Variants in COL11A2 observed in about 807,000 individuals in gnomAD.
The protein encoded by COL11A2 is collagen alpha-2(XI) chain.
In COL11A2, 116 loss-of-function variants were observed where a neutral mutation model predicts 273.4. That is an observed-to-expected ratio of 0.42 (90% CI 0.36 to 0.49). The LOEUF (loss-of-function observed/expected upper bound fraction) is 0.49, where lower values mean the gene tolerates loss of function less well. Among genes scored for constraint, COL11A2 ranks in the 20% least tolerant of loss-of-function variants. The pLI is 0.00. For missense variants in COL11A2, 1,866 were observed against 2,309.0 expected (o/e 0.81, Z 3.93); for synonymous variants, 782 against 864.2 (o/e 0.90, Z 1.67).
Position 33,176,618 on chromosome 6 carries a change from G to T in COL11A2, c.2115+103C>A. 1 of 1,394,986 alleles carries T rather than the reference G, an allele frequency of 7.2e-7. No individual in the cohort carries two copies. The highest frequency in any genetic ancestry group is 1.0e-6 in the Non-Finnish European group (1 of 992,818). The allele number at this position is 1,394,986 out of a possible 1,614,324, so 86.4% of individuals were successfully genotyped here. A position where few individuals can be genotyped will look rare whatever the true frequency, so the allele number is the denominator to read the frequency against. On this transcript the variant is annotated intron_variant, in intron 26 of 65. Transcript: ENST00000341947. The surrounding 1 kb of genome is among the most constrained non-coding windows in gnomAD (Gnocchi z 4.9). ...TACGGGGCACAGGAATTGAGAATGTGGCAGAGCCATATGAATAATGAGACA... is the reference window on the plus strand; with the variant it reads ...TACGGGGCACAGGAATTGAGAATGTTGCAGAGCCATATGAATAATGAGACA...
In COL11A2 at chr6:33,178,135, G is replaced by A; in HGVS notation, c.1869C>T (p.Pro623=). Residue 623 remains proline, a synonymous_variant, in exon 21 of 66, where the codon CCC becomes CCT. Coordinates refer to ENST00000341947, the MANE Select transcript of COL11A2 (RefSeq NM_080680.3). This position sits in a 1 kb window ranked among gnomAD's most constrained non-coding sequence, Gnocchi z 4.6. ...CAGAAGTCAGGGAGTCACTTACAGG[G>A]GGTCCAGGAATACCAGGTGGGCCTT... ...GPKGPPGIPG[P]PGVRGMDGPQ... is the part of the protein sequence containing the mutation. 1 of 1,609,056 alleles carries A rather than the reference G, an allele frequency of 6.2e-7. No homozygotes were observed. The highest frequency in any genetic ancestry group is 1.3e-5 in the African/African-American group (1 of 74,914).
In COL11A2 at chr6:33,180,261, G is replaced by A. The variant is rs1349552624; in HGVS notation, c.1356C>T (p.Leu452=). The change falls in exon 12 of 66, where the codon CTC becomes CTT. Residue 452 remains leucine (L), a synonymous_variant. Transcript: ENST00000341947. ...CAAAACCCAAGAGACAACTCACTGG[G>A]AGCATGAGAGATGTGCCAGGAGGAC... ...APGPPGTSLM[L]PFRFGSGGGD... is the part of the protein sequence containing the mutation. The A allele has an allele frequency of 3.1e-6, 5 of 1,612,792 alleles. No individual in the cohort carries two copies. The highest frequency in any genetic ancestry group is 1.7e-5 in the Admixed American group (1 of 60,010).
Position 33,172,554 on chromosome 6 carries a change from C to A in COL11A2, c.2874G>T (p.Gly958=). 1.2e-6 allele frequency: 2 copies of A among 1,612,606 alleles called. No homozygotes were observed. The highest frequency in any genetic ancestry group is 2.7e-5 in the African/African-American group (2 of 74,924). Reference sequence around the variant, plus strand: ...CCTTTGTTCCTTCTTTTCCAGCTGTCCCAGGTAGTCCCTGCTCTCCAGGGG... The same window carrying A: ...CCTTTGTTCCTTCTTTTCCAGCTGTACCAGGTAGTCCCTGCTCTCCAGGGG... ...PGPPGEQGLP[G]TAGKEGTKGD... Residue 958 remains glycine, a synonymous_variant, in exon 39 of 66, where the codon GGG becomes GGT. Transcript: ENST00000341947.
chr6:33,170,336 T>A lies in COL11A2; in HGVS notation c.3572A>T (p.Asn1191Ile). The A allele has an allele frequency of 1.2e-6, 2 of 1,613,682 alleles. No homozygotes were observed. Among genetic ancestry groups the A allele is most frequent in the African/African-American group, 1.3e-5 (1 of 74,986 alleles). The change falls in exon 48 of 66, where the codon AAT becomes ATT. Residue 1191 changes from asparagine to isoleucine, a missense_variant. Transcript: ENST00000341947. This position sits in a 1 kb window ranked among gnomAD's most constrained non-coding sequence, Gnocchi z 4.3. ...GCTGAGATGACTCACATCAGCGCCA[T>A]TGGGTCCAGCTGGACCTCGAGGTCC... ...PPGPRGPAGPNGADGPQGPPG... is the reference protein window; with the variant it reads ...PPGPRGPAGPIGADGPQGPPG...
intron 4 of COL11A2, among the ~76,000 whole-genome samples, chr6:33,187,845 G>T: frequency 6.6e-6 from 1 of 151,354 alleles, no homozygotes; most frequent in Non-Finnish European, 1.5e-5. Flanking sequence ...TGGGTAGATG[G>T]GGAGGGTGGG....
At position 33,188,348 on chromosome 6, in the gene COL11A2, A is replaced by C; in HGVS notation, c.606+14T>G. 6.2e-7 allele frequency: 1 copy of C among 1,613,008 alleles called. No individual in the cohort carries two copies. The highest frequency in any genetic ancestry group is 8.5e-7 in the Non-Finnish European group (1 of 1,179,996). On this transcript the variant is annotated intron_variant, in intron 4 of 65. Coordinates refer to ENST00000341947, the MANE Select transcript of COL11A2 (RefSeq NM_080680.3). ...GGACCAGAAGTCAATCCTGCCTCTG[A>C]TTGCTCTGGTTACCTCAAAGACTTC...
At chr6:33,192,561 A>T, upstream of COL11A2, 1 of 473,582 alleles carries the variant, frequency 2.1e-6, no homozygotes, top group South Asian at 2.2e-5. Context: ...CACCGAAGGG[A>T]AACCCCACCC....
Position 33,170,727 on chromosome 6 carries a change from G to C in COL11A2, c.3474+83C>G. On this transcript the variant is annotated intron_variant, in intron 46 of 65. Transcript: ENST00000341947. This position sits in a 1 kb window ranked among gnomAD's most constrained non-coding sequence, Gnocchi z 4.3. ...CTCCGCAGGCCCTCCAGTCTGCATC[G>C]GCAGGCTGCTGGCAGAGTCTGGGGC... 1.3e-6 allele frequency: 2 copies of C among 1,580,250 alleles called. No individual in the cohort carries two copies. The highest frequency in any genetic ancestry group is 1.1e-5 in the South Asian group (1 of 90,376).
rs765164801 is a variant in COL11A2 at position 33,166,126 on chromosome 6, C to T, written c.4428+45G>A. ...TTGTCCTGGAGAGACATCATCAAGT[C>T]CAGAGGGGGTGGAGCAAAGGTCAGA... On this transcript the variant is annotated intron_variant, in intron 61 of 65. Coordinates refer to ENST00000341947, the MANE Select transcript of COL11A2 (RefSeq NM_080680.3). The surrounding 1 kb of genome is among the most constrained non-coding windows in gnomAD (Gnocchi z 4.8). The T allele has an allele frequency of 1.2e-6, 2 of 1,607,054 alleles. No homozygotes were observed. The highest frequency in any genetic ancestry group is 2.7e-5 in the African/African-American group (2 of 74,972).
Position 33,164,904 on chromosome 6 carries a change from T to C in COL11A2, c.4811A>G (p.Asn1604Ser), listed in dbSNP as rs1768891089. 6.3e-7 allele frequency: 1 copy of C among 1,580,286 alleles called. No individual in the cohort carries two copies. The highest frequency in any genetic ancestry group is 2.3e-5 in the East Asian group (1 of 43,604). Residue 1604 changes from asparagine (N) to serine (S), a missense_variant, in exon 64 of 66, where the codon AAC (asparagine) becomes AGC (serine). Coordinates refer to ENST00000341947, the MANE Select transcript of COL11A2 (RefSeq NM_080680.3). The surrounding 1 kb of genome is among the most constrained non-coding windows in gnomAD (Gnocchi z 4.7). ...ACAGGTCTCACCCCCTGCTGTGAAGTTGCAGAAAACTCGGAAGGCATCCCG... is the reference window on the plus strand; with the variant it reads ...ACAGGTCTCACCCCCTGCTGTGAAGCTGCAGAAAACTCGGAAGGCATCCCG... ...CARDAFRVFC[N>S]FTAGGETCVT...
In COL11A2 at chr6:33,185,696, T is replaced by C. The variant is rs1772323206; in HGVS notation, c.876+5A>G. 1.5e-6 allele frequency: 2 copies of C among 1,346,756 alleles called. No individual in the cohort carries two copies. The highest frequency in any genetic ancestry group is 2.3e-5 in the South Asian group (2 of 87,586). The allele number at this position is 1,346,756 out of a possible 1,614,324, so 83.4% of individuals were successfully genotyped here. A position where few individuals can be genotyped will look rare whatever the true frequency, so the allele number is the denominator to read the frequency against. On this transcript the variant is annotated splice_donor_5th_base_variant and intron_variant, in intron 6 of 65. Transcript: ENST00000341947. ...GGAAGAAATGAAGGGGTCCCTTGAG[T>C]TTACCTGATAATCAGGGGTTGTCCC...
intron 41 of COL11A2, 66 bp downstream of exon 41, chr6:33,171,984 C>T: frequency 1.3e-6 from 2 of 1,587,268 alleles, no homozygotes; most frequent in Non-Finnish European, 1.7e-6. Context: ...CAGAATGCCA[C>T]TCCCACCCTT....
chr6:33,185,170 G>A (rs1469768381), intron 6 of COL11A2, 116 bp from the exon 7 acceptor site: 12 of 772,270 alleles, frequency 1.6e-5, no homozygotes, highest in Middle Eastern at 2.5e-4. Flanking sequence ...TCTGTGCTGG[G>A]GGATGGGGGA....
chr6:33,186,541 G>T (rs771666754), intron 5 of COL11A2, 86 bp downstream of exon 5: 1 of 1,609,252 alleles, frequency 6.2e-7, no homozygotes, highest in South Asian at 1.1e-5. Flanking sequence ...AGATGAGGGT[G>T]GGGAGGACAA....
intron 29 of COL11A2, 111 bp from the exon 30 acceptor site, chr6:33,175,792 C>T: frequency 8.6e-7 from 1 of 1,159,448 alleles, no homozygotes; most frequent in Non-Finnish European, 1.3e-6. Flanking sequence ...TCCCAGGAGC[C>T]ACTGCAGGAC....
rs1772454288 is a variant in COL11A2 at position 33,186,615 on chromosome 6, C to T, written c.798+12G>A. 6.2e-7 allele frequency: 1 copy of T among 1,614,022 alleles called. No homozygotes were observed. The highest frequency in any genetic ancestry group is 8.5e-7 in the Non-Finnish European group (1 of 1,180,024). ...GGTGTGCTGCACTTGGGGGTTCTCCCAGCTCCCTCACCTGGCTCTGGGGTT... is the reference window on the plus strand; with the variant it reads ...GGTGTGCTGCACTTGGGGGTTCTCCTAGCTCCCTCACCTGGCTCTGGGGTT... On this transcript the variant is annotated intron_variant, in intron 5 of 65. Coordinates refer to ENST00000341947, the MANE Select transcript of COL11A2 (RefSeq NM_080680.3).
chr6:33,171,698 T>C lies in COL11A2; in HGVS notation c.3150+15A>G. The C allele has an allele frequency of 6.3e-7, 1 of 1,599,410 alleles. No homozygotes were observed. Among genetic ancestry groups the C allele is most frequent in the Non-Finnish European group, 8.6e-7 (1 of 1,168,472 alleles). ...ACCCCTCCCCAGTACCCCTCCCCAA[T>C]ACCCCCACACTCACTGGGACACCTT... On this transcript the variant is annotated intron_variant, in intron 42 of 65. Transcript: ENST00000341947.
rs1583289396 is a variant in COL11A2 at position 33,166,336 on chromosome 6, C to A, written c.4393-130G>T. 7.7e-7 allele frequency: 1 copy of A among 1,304,656 alleles called. No individual in the cohort carries two copies. The allele number at this position is 1,304,656 out of a possible 1,614,324, so 80.8% of individuals were successfully genotyped here. A position where few individuals can be genotyped will look rare whatever the true frequency, so the allele number is the denominator to read the frequency against. On this transcript the variant is annotated intron_variant, in intron 60 of 65. Transcript: ENST00000341947. This position sits in a 1 kb window ranked among gnomAD's most constrained non-coding sequence, Gnocchi z 4.8. Reference sequence around the variant, plus strand: ...CAGGAGGGGCAGTCTTGTGGGAATACTAGGACATTCAGAGCCCTGGAAGTA... The same window carrying A: ...CAGGAGGGGCAGTCTTGTGGGAATAATAGGACATTCAGAGCCCTGGAAGTA...
In COL11A2 at chr6:33,169,175, A is replaced by G. The variant is rs1227742710; in HGVS notation, c.3799-167T>C. Among the ~76,000 whole-genome samples the G allele has an allele frequency of 1.3e-5, 2 of 152,032 alleles. No homozygotes were observed. The highest frequency in any genetic ancestry group is 6.5e-5 in the Admixed American group (1 of 15,270). On this transcript the variant is annotated intron_variant, in intron 51 of 65. Transcript: ENST00000341947. This position sits in a 1 kb window ranked among gnomAD's most constrained non-coding sequence, Gnocchi z 5.5. ...CTACCACGTGCACTGCGTGTTGTCT[A>G]ATTCCTCAAGGTATTAACTGCAGGG... is the stretch of plus-strand genomic sequence containing the variant.
Sources: allele counts gnomAD v4.1 joint callset (sites outside exome capture counted in the v4.1 genomes callset), GRCh38; gene constraint gnomAD v4.1.1; non-coding constraint Gnocchi (gnomAD v3.1); transcripts MANE v1.5; gene names NCBI Gene and HGNC (gene_info 2026-07-23, HGNC 2026-07-21).